MAGI2: variants seen among roughly 807,000 people sequenced by gnomAD.
The protein encoded by MAGI2 is membrane associated guanylate kinase, WW and PDZ domain containing 2.
Under a neutral mutation model 133.3 loss-of-function variants are expected in MAGI2, and 35 were observed. That is an observed-to-expected ratio of 0.26 (90% CI 0.20 to 0.35). The LOEUF (loss-of-function observed/expected upper bound fraction) is 0.35, where lower values mean the gene tolerates loss of function less well. Ranked by LOEUF, MAGI2 falls within the 10% of genes least tolerant of loss-of-function variation. MAGI2 has a pLI of 1.00. For missense variants in MAGI2, 1,636 were observed against 1,863.4 expected (o/e 0.88, Z 2.25); for synonymous variants, 729 against 710.6 (o/e 1.03, Z -0.41).
intron 6 of MAGI2, among the ~76,000 whole-genome samples, chr7:78,436,506 T>C (rs959454190): frequency 1.3e-5 from 2 of 152,218 alleles, no homozygotes; most frequent in Non-Finnish European, 2.9e-5. Context: ...GCTCCTCACC[T>C]GGGAACTCAA....
chr7:78,982,583 A>T (rs1295002292), intron 2 of MAGI2, among the ~76,000 whole-genome samples: 1 of 151,808 alleles, frequency 6.6e-6, no homozygotes, highest in Non-Finnish European at 1.5e-5. Context: ...CCTCCTTTTG[A>T]CATGTAAGAA....
At chr7:78,646,890 C>T (rs1810950988) in intron 2 of MAGI2, among the ~76,000 whole-genome samples, 1 of 152,168 alleles carries the variant, frequency 6.6e-6, no homozygotes, top group Admixed American at 6.5e-5. Context: ...GAATCTTACA[C>T]TCTTGGTTAT....
intron 3 of MAGI2, among the ~76,000 whole-genome samples, chr7:78,574,622 G>A (rs1431930409): frequency 6.6e-6 from 1 of 152,174 alleles, no homozygotes; most frequent in Non-Finnish European, 1.5e-5. Flanking sequence ...TGCTGGATAA[G>A]TATTAGAGTA....
intron 3 of MAGI2, among the ~76,000 whole-genome samples, chr7:78,620,813 AGAAAAATAGCTTTATT>A (rs1287748483): frequency 1.3e-5 from 2 of 152,058 alleles, no homozygotes; most frequent in African/African-American, 4.8e-5. Flanking sequence ...TTCAATAGAT[AGAAAAATAGCTTTATT>A]TTAAAAACAA....
chr7:78,378,236 A>G (rs959184865), intron 6 of MAGI2, among the ~76,000 whole-genome samples: 6 of 152,098 alleles, frequency 3.9e-5, no homozygotes, highest in African/African-American at 1.4e-4. Flanking sequence ...AAAGGTAAAA[A>G]GAATCAGAGA....
chr7:78,266,778 C>T (rs1386068032), intron 9 of MAGI2, among the ~76,000 whole-genome samples: 2 of 151,830 alleles, frequency 1.3e-5, no homozygotes, highest in South Asian at 2.1e-4. Flanking sequence ...CGGGGTTTCA[C>T]CATGATGGCC....
intron 6 of MAGI2, among the ~76,000 whole-genome samples, chr7:78,390,340 T>A (rs1230424748): frequency 1.3e-5 from 2 of 152,224 alleles, no homozygotes; most frequent in Non-Finnish European, 2.9e-5. Flanking sequence ...CCTTTCAGCT[T>A]TACATATGGC....
chr7:78,595,246 T>A (rs552628006), intron 3 of MAGI2, among the ~76,000 whole-genome samples: 1 of 152,232 alleles, frequency 6.6e-6, no homozygotes, highest in Admixed American at 6.5e-5. Flanking sequence ...CCATGCTGCT[T>A]GGAGTCAGAG....
chr7:78,545,658 A>G (rs1338025214), intron 3 of MAGI2, among the ~76,000 whole-genome samples: 3 of 152,236 alleles, frequency 2.0e-5, no homozygotes, highest in African/African-American at 7.2e-5. Context: ...AATACATGGT[A>G]AGAGTATTTT....
At chr7:79,344,666 G>GTATTAAATGGCA (rs1841176063) in intron 1 of MAGI2, among the ~76,000 whole-genome samples, 1 of 152,160 alleles carries the variant, frequency 6.6e-6, no homozygotes, top group Non-Finnish European at 1.5e-5. Context: ...ACAGTTGACA[G>GTATTAAATGGCA]TATTAAATGG....
chr7:78,245,964 G>C (rs1791734183), intron 10 of MAGI2, among the ~76,000 whole-genome samples: 1 of 152,150 alleles, frequency 6.6e-6, no homozygotes, highest in Non-Finnish European at 1.5e-5. Flanking sequence ...TAAGGGCTTA[G>C]CCACCATGGA....
At chr7:78,634,478 A>T (rs566372247) in intron 2 of MAGI2, among the ~76,000 whole-genome samples, 23 of 152,342 alleles carry the variant, frequency 1.5e-4, no homozygotes, top group Non-Finnish European at 2.6e-4. Context: ...TGGCTGAAGA[A>T]GGAGAAAGCA....
intron 1 of MAGI2, among the ~76,000 whole-genome samples, chr7:79,208,382 AT>A (rs1424614868): frequency 6.6e-6 from 1 of 151,980 alleles, no homozygotes; most frequent in East Asian, 1.9e-4. Flanking sequence ...CACCAAGAAC[AT>A]GAATGGACGT....
chr7:79,438,210 G>A (rs1380663270), intron 1 of MAGI2, among the ~76,000 whole-genome samples: 1 of 152,082 alleles, frequency 6.6e-6, no homozygotes, highest in African/African-American at 2.4e-5. Context: ...CATGCCATCT[G>A]CCAGGTACCT....
chr7:78,072,721 C>T (rs1814840414), intron 21 of MAGI2: 1 of 395,350 alleles, frequency 2.5e-6, no homozygotes, highest in East Asian at 3.6e-5. Flanking sequence ...TGCTCTGTCG[C>T]CCAGGCTGGT....
chr7:78,263,243 A>G (rs894805158), intron 9 of MAGI2, among the ~76,000 whole-genome samples: 1 of 152,150 alleles, frequency 6.6e-6, no homozygotes, highest in African/African-American at 2.4e-5. Context: ...GATTGATTCC[A>G]TGCCTTTGCT....
intron 1 of MAGI2, 74 bp downstream of exon 1, chr7:79,452,946 G>A: frequency 1.4e-6 from 2 of 1,456,112 alleles, no homozygotes; most frequent in South Asian, 2.7e-5. Flanking sequence ...AACATGCGCG[G>A]CCACCCTTTC....
At chr7:78,723,807 G>A (rs1488279418) in intron 2 of MAGI2, among the ~76,000 whole-genome samples, 1 of 152,122 alleles carries the variant, frequency 6.6e-6, no homozygotes, top group African/African-American at 2.4e-5. Context: ...GCAGGTAAAA[G>A]CTTAATTCAA....
chr7:79,400,197 A>G (rs1011236300), intron 1 of MAGI2, among the ~76,000 whole-genome samples: 1 of 152,208 alleles, frequency 6.6e-6, no homozygotes, highest in East Asian at 1.9e-4. Context: ...GCAGAACTAC[A>G]GAACAACTAT....
Sources: allele counts gnomAD v4.1 joint callset (sites outside exome capture counted in the v4.1 genomes callset), GRCh38; gene constraint gnomAD v4.1.1; transcripts MANE v1.5; gene names NCBI Gene and HGNC (gene_info 2026-07-23, HGNC 2026-07-21).